The following CNTN5 variants were observed in gnomAD, a reference collection of about 807,000 sequenced individuals.
CNTN5 encodes contactin 5, also known as contactin-5.
A neutral mutation model predicts 129.1 loss-of-function variants in CNTN5; 77 were observed. The observed-to-expected ratio is 0.60, with a 90% CI of 0.50 to 0.72. CNTN5 has a LOEUF of 0.72. CNTN5 is among the 30% of genes least tolerant of loss of function. The probability of loss-of-function intolerance (pLI) is 0.00; values close to 1 mark genes in which losing one functional copy is unlikely to be tolerated. For missense variants in CNTN5, 1,478 were observed against 1,328.8 expected (o/e 1.11, Z -1.75); for synonymous variants, 509 against 465.6 (o/e 1.09, Z -1.20).
At chr11:99,503,967 TTA>T (rs1467225138) in intron 2 of CNTN5, among the ~76,000 whole-genome samples, 2 of 152,278 alleles carry the variant, frequency 1.3e-5, no homozygotes, top group South Asian at 2.1e-4. Context: ...ATACAGTGAT[TTA>T]TATGTTACTT....
At chr11:100,094,763 GGAAAGGAAGGAAGGAA>G (rs1018748534) in intron 13 of CNTN5, among the ~76,000 whole-genome samples, 1 of 95,036 alleles carries the variant, frequency 1.1e-5, no homozygotes, top group African/African-American at 4.2e-5. Flanking sequence ...GAGGGAGGGA[GGAAAGGAAGGAAGGAA>G]GGAAGGAAGG....
At chr11:99,689,218 C>T (rs1953925785) in intron 3 of CNTN5, among the ~76,000 whole-genome samples, 1 of 152,062 alleles carries the variant, frequency 6.6e-6, no homozygotes, top group African/African-American at 2.4e-5. Context: ...ATTTACACTC[C>T]TGCCAACAAG....
At chr11:99,616,855 A>G (rs1395400853) in intron 3 of CNTN5, among the ~76,000 whole-genome samples, 1 of 152,248 alleles carries the variant, frequency 6.6e-6, no homozygotes, top group African/African-American at 2.4e-5. Context: ...TCACGCCTGT[A>G]ATCCCAGCAC....
chr11:99,201,515 G>C (rs1472289456), intron 1 of CNTN5, among the ~76,000 whole-genome samples: 1 of 150,982 alleles, frequency 6.6e-6, no homozygotes, highest in African/African-American at 2.4e-5. Context: ...TTAATCCTCA[G>C]AACAAGAGAA....
At chr11:100,222,272 T>C (rs932952374) in intron 15 of CNTN5, among the ~76,000 whole-genome samples, 1 of 152,168 alleles carries the variant, frequency 6.6e-6, no homozygotes, top group Admixed American at 6.5e-5. Flanking sequence ...GATGTAACTT[T>C]GGCCAGTTTA....
chr11:100,279,863 T>C (rs1161072981), intron 18 of CNTN5, among the ~76,000 whole-genome samples: 1 of 151,540 alleles, frequency 6.6e-6, no homozygotes, highest in Non-Finnish European at 1.5e-5. Flanking sequence ...GCTTTTCTAG[T>C]TCCTTAGGAT....
At chr11:100,153,072 C>A (rs1222412292) in intron 13 of CNTN5, among the ~76,000 whole-genome samples, 1 of 152,068 alleles carries the variant, frequency 6.6e-6, no homozygotes, top group Non-Finnish European at 1.5e-5. Flanking sequence ...TTTTCCATTC[C>A]ATTTGATTTA....
chr11:99,357,504 C>G (rs552419276), intron 2 of CNTN5, among the ~76,000 whole-genome samples: 1 of 151,288 alleles, frequency 6.6e-6, no homozygotes, highest in African/African-American at 2.4e-5. Flanking sequence ...CACACACACA[C>G]TCTAAGGTTT....
chr11:99,271,020 T>C (rs963697583), intron 1 of CNTN5, among the ~76,000 whole-genome samples: 1 of 151,910 alleles, frequency 6.6e-6, no homozygotes, highest in African/African-American at 2.4e-5. Context: ...ACCTTCAGAG[T>C]GTAGAGCTGT....
intron 1 of CNTN5, among the ~76,000 whole-genome samples, chr11:99,239,126 C>G (rs1861418950): frequency 6.6e-6 from 1 of 151,886 alleles, no homozygotes; most frequent in Non-Finnish European, 1.5e-5. Context: ...GATCACATAA[C>G]TGATGAATAA....
intron 13 of CNTN5, among the ~76,000 whole-genome samples, chr11:100,145,078 A>G (rs1946809283): frequency 6.6e-6 from 1 of 152,012 alleles, no homozygotes; most frequent in Admixed American, 6.6e-5. Flanking sequence ...AGGTCTTTAA[A>G]CTCTATTAAC....
chr11:99,396,958 G>A (rs188121689), intron 2 of CNTN5, among the ~76,000 whole-genome samples: 1 of 151,670 alleles, frequency 6.6e-6, no homozygotes, highest in African/African-American at 2.4e-5. Flanking sequence ...GGCTTAAGAA[G>A]TATTGTCATT....
At chr11:100,287,259 C>T (rs1950819043) in intron 18 of CNTN5, among the ~76,000 whole-genome samples, 1 of 152,028 alleles carries the variant, frequency 6.6e-6, no homozygotes, top group African/African-American at 2.4e-5. Flanking sequence ...ACAGAGAATG[C>T]CATAAAGATA....
intron 2 of CNTN5, among the ~76,000 whole-genome samples, chr11:99,490,577 G>C (rs553132425): frequency 1.3e-5 from 2 of 152,182 alleles, no homozygotes; most frequent in Non-Finnish European, 2.9e-5. Flanking sequence ...TTACTTATTA[G>C]GGAGTGTGAT....
At chr11:100,056,834 T>C (rs1241318074) in intron 9 of CNTN5, among the ~76,000 whole-genome samples, 1 of 151,754 alleles carries the variant, frequency 6.6e-6, no homozygotes, top group African/African-American at 2.4e-5. Context: ...TATTTTAGTG[T>C]ACAAGGATTC....
chr11:99,641,923 G>A (rs1951786747), intron 3 of CNTN5, among the ~76,000 whole-genome samples: 1 of 152,040 alleles, frequency 6.6e-6, no homozygotes, highest in Non-Finnish European at 1.5e-5. Flanking sequence ...CACCTCTTTG[G>A]TTCAGTTGAG....
intron 1 of CNTN5, among the ~76,000 whole-genome samples, chr11:99,284,115 A>T (rs1313022430): frequency 6.6e-6 from 1 of 152,158 alleles, no homozygotes; most frequent in Admixed American, 6.6e-5. Context: ...CTCTTATCAA[A>T]TAATCTCCTA....
At chr11:99,819,842 A>T in intron 4 of CNTN5, 77 bp downstream of exon 4, 1 of 913,472 alleles carries the variant, frequency 1.1e-6, no homozygotes, top group South Asian at 1.5e-5. Context: ...TGCAACAGAG[A>T]TCAAGACTAT....
intron 16 of CNTN5, among the ~76,000 whole-genome samples, chr11:100,234,459 C>T (rs1949561032): frequency 6.6e-6 from 1 of 152,118 alleles, no homozygotes. Context: ...GAATACTATA[C>T]AGCCGTAAAA....
Sources: gnomAD v4.1 joint callset for allele counts (sites outside exome capture counted in the v4.1 genomes callset) on GRCh38, gnomAD v4.1.1 for gene constraint, MANE v1.5 for transcripts, NCBI Gene and HGNC (gene_info 2026-07-23, HGNC 2026-07-21) for gene names.